Variants in SLIT3 observed in about 807,000 individuals in gnomAD.
The protein encoded by SLIT3 is slit homolog 3 protein.
SLIT3 carries 68 observed loss-of-function variants against 184.0 expected under a neutral mutation model. That is an observed-to-expected ratio of 0.37 (90% CI 0.30 to 0.45). The LOEUF (loss-of-function observed/expected upper bound fraction) is 0.45. SLIT3 is among the 20% of genes least tolerant of loss of function. The pLI, the probability that SLIT3 is intolerant of heterozygous loss-of-function variation, is 1.00. For missense variants in SLIT3, 1,707 were observed against 2,026.0 expected, an observed-to-expected ratio of 0.84 and a Z score of 3.02; for synonymous variants, 831 against 828.6, an observed-to-expected ratio of 1.00 and a Z score of -0.05.
chr5:168,717,494 TC>T (rs1762776848), intron 23 of SLIT3, among the ~76,000 whole-genome samples: 1 of 152,238 alleles, frequency 6.6e-6, no homozygotes, highest in African/African-American at 2.4e-5. Context: ...TTTACTTATT[TC>T]CCCTTCTAGA....
Position 168,937,083 on chromosome 5 carries a change from T to A in SLIT3, c.414-53747A>T, listed in dbSNP as rs545544651. Among the ~76,000 whole-genome samples, 41 of 152,168 alleles carry A rather than the reference T, an allele frequency of 2.7e-4. No individual in the cohort carries two copies. The South Asian group carries it at 8.5e-3, about 32-fold the overall frequency. On this transcript the variant is annotated intron_variant, in intron 4 of 35. Coordinates refer to ENST00000519560, the MANE Select transcript of SLIT3 (RefSeq NM_003062.4). ...GACACCTGAGCTGGCATTGGAAGAATTCGCTGGTTGAGGACTCAACCAGGT... is the reference window on the plus strand; with the variant it reads ...GACACCTGAGCTGGCATTGGAAGAAATCGCTGGTTGAGGACTCAACCAGGT...
At chr5:168,792,313 C>T (rs541857932) in intron 10 of SLIT3, 9 of 152,346 alleles carry the variant, frequency 5.9e-5, no homozygotes, top group East Asian at 3.9e-4. Context: ...TCAAACCTCA[C>T]GAGGGTGTAG....
intron 21 of SLIT3, among the ~76,000 whole-genome samples, chr5:168,723,742 A>G (rs1239699843): frequency 6.6e-6 from 1 of 152,178 alleles, no homozygotes; most frequent in Admixed American, 6.5e-5. Context: ...AGCTGTGGCA[A>G]TGTTAGCTGC....
chr5:169,105,662 C>CT (rs1184618079), intron 4 of SLIT3, among the ~76,000 whole-genome samples: 1 of 152,234 alleles, frequency 6.6e-6, no homozygotes, highest in Non-Finnish European at 1.5e-5. Context: ...CAAGATTCAT[C>CT]TGTTCTCATT....
rs917127109 is a variant in SLIT3 at position 169,019,216 on chromosome 5, C to T, written c.414-135880G>A. Among the ~76,000 whole-genome samples, 29 of 152,348 alleles carry T rather than the reference C, an allele frequency of 1.9e-4. No individual in the cohort carries two copies. The East Asian group carries it at 5.4e-3, about 28-fold the overall frequency. On this transcript the variant is annotated intron_variant, in intron 4 of 35. Coordinates refer to ENST00000519560, the MANE Select transcript of SLIT3 (RefSeq NM_003062.4). The stretch of plus-strand genomic sequence containing the variant: ...TCTCTCTTGCCAGTGCAAACACTGT[C>T]CCTTCTCAGACCTGGGGGTCGACCT...
chr5:169,256,917 C>T (rs1443234918), intron 1 of SLIT3, among the ~76,000 whole-genome samples: 1 of 152,036 alleles, frequency 6.6e-6, no homozygotes, highest in South Asian at 2.1e-4. Context: ...ATGGGAATCA[C>T]CTATGATGTT....
chr5:169,012,836 C>T (rs1474853569), intron 4 of SLIT3: 2 of 152,232 alleles, frequency 1.3e-5, no homozygotes, highest in African/African-American at 4.8e-5. Context: ...ACTCTTCAGT[C>T]AGACCTGGGA....
intron 3 of SLIT3, among the ~76,000 whole-genome samples, chr5:169,200,518 C>T (rs1174033373): frequency 6.8e-6 from 1 of 147,936 alleles, no homozygotes; most frequent in Non-Finnish European, 1.5e-5. Flanking sequence ...TTCCTGCCAG[C>T]TGCTGCTCCA....
intron 13 of SLIT3, 152 bp downstream of exon 13, chr5:168,774,083 C>G: frequency 6.7e-6 from 5 of 744,472 alleles, no homozygotes; most frequent in Non-Finnish European, 1.1e-5. Flanking sequence ...TACTGATAAG[C>G]TATTCCGATT....
chr5:169,229,322 A>G (rs1438903101), intron 3 of SLIT3, among the ~76,000 whole-genome samples: 1 of 152,112 alleles, frequency 6.6e-6, no homozygotes, highest in Non-Finnish European at 1.5e-5. Flanking sequence ...GCGAGGCCCA[A>G]CTCTCAACAG....
At chr5:168,900,854 T>A (rs1760841601) in intron 4 of SLIT3, among the ~76,000 whole-genome samples, 1 of 152,136 alleles carries the variant, frequency 6.6e-6, no homozygotes, top group South Asian at 2.1e-4. Flanking sequence ...GTGAAACAAG[T>A]CAGACATGGA....
chr5:169,144,511 T>C (rs1275423464), intron 4 of SLIT3, among the ~76,000 whole-genome samples: 1 of 152,248 alleles, frequency 6.6e-6, no homozygotes, highest in Non-Finnish European at 1.5e-5. Flanking sequence ...ATCCTCACCA[T>C]TTCATCCCAA....
At chr5:169,038,744 G>A (rs1043929998) in intron 4 of SLIT3, among the ~76,000 whole-genome samples, 2 of 150,486 alleles carry the variant, frequency 1.3e-5, no homozygotes, top group African/African-American at 5.0e-5. Flanking sequence ...AGGACTGTCC[G>A]GCTCCACAGC....
chr5:169,128,229 T>G (rs1761154206), intron 4 of SLIT3, among the ~76,000 whole-genome samples: 2 of 148,454 alleles, frequency 1.3e-5, no homozygotes, highest in South Asian at 2.1e-4. Flanking sequence ...TCATGGATTA[T>G]ATATATACAC....
chr5:168,753,074 G>T lies in SLIT3; in HGVS notation c.1854C>A (p.Gly618=). The T allele has an allele frequency of 1.2e-6, 2 of 1,614,134 alleles. No individual in the cohort carries two copies. Among genetic ancestry groups the T allele is most frequent in the Non-Finnish European group, 1.7e-6 (2 of 1,180,008 alleles). The change falls in exon 18 of 36, where the codon GGC becomes GGA. Residue 618 remains glycine, a synonymous_variant. Coordinates refer to ENST00000519560, the MANE Select transcript of SLIT3 (RefSeq NM_003062.4). ...KTLMLRSNLI[G]CVSNDTFAGL... Reference sequence around the variant, plus strand: ...CGGCAAAGGTGTCATTACTCACACAGCCGATCAAGTTACTCCTCAGCATCC... The same window carrying T: ...CGGCAAAGGTGTCATTACTCACACATCCGATCAAGTTACTCCTCAGCATCC...
chr5:169,249,050 T>C (rs1765689221), intron 2 of SLIT3, among the ~76,000 whole-genome samples: 1 of 152,168 alleles, frequency 6.6e-6, no homozygotes, highest in Non-Finnish European at 1.5e-5. Context: ...GAAACAGATA[T>C]GGGGAATGTG....
At chr5:169,298,526 C>A (rs148674505) in intron 1 of SLIT3, among the ~76,000 whole-genome samples, 2 of 152,140 alleles carry the variant, frequency 1.3e-5, no homozygotes, top group Non-Finnish European at 2.9e-5. Context: ...GATGTAGTTG[C>A]GAGACCCCAA....
chr5:169,009,089 A>AT (rs74825013), intron 4 of SLIT3, among the ~76,000 whole-genome samples: 17,797 of 146,910 alleles, frequency 0.12, 1,374 homozygotes, highest in African/African-American at 0.22. Flanking sequence ...CAAAATTACA[A>AT]TTTTTTTTTA....
At chr5:168,919,683 A>G (rs1157612508) in intron 4 of SLIT3, among the ~76,000 whole-genome samples, 1 of 152,166 alleles carries the variant, frequency 6.6e-6, no homozygotes, top group African/African-American at 2.4e-5. Context: ...TAATTATTAT[A>G]AAAACTTTAA....
Sources: allele counts gnomAD v4.1 joint callset (sites outside exome capture counted in the v4.1 genomes callset), GRCh38; gene constraint gnomAD v4.1.1; transcripts MANE v1.5; gene names NCBI Gene and HGNC (gene_info 2026-07-23, HGNC 2026-07-21).